SLC28A1: variants seen among roughly 807,000 people sequenced by gnomAD.
SLC28A1 encodes the protein sodium/nucleoside cotransporter 1.
In SLC28A1, 64 loss-of-function variants were observed where a neutral mutation model predicts 74.8. That is an observed-to-expected ratio of 0.86 (90% CI 0.70 to 1.05). The LOEUF is 1.05. Among genes scored for constraint, SLC28A1 ranks in the 50% least tolerant of loss-of-function variants. The pLI is 0.00. For missense variants in SLC28A1, 828 were observed against 822.8 expected, an observed-to-expected ratio of 1.01 and a Z score of -0.08; for synonymous variants, 359 against 335.0, an observed-to-expected ratio of 1.07 and a Z score of -0.78.
chr15:84,904,075 G>C, intron 6 of SLC28A1, 22 bp from the exon 7 acceptor site: 1 of 1,614,126 alleles, frequency 6.2e-7, no homozygotes, highest in Non-Finnish European at 8.5e-7. Flanking sequence ...GAGGGTAATG[G>C]CTTTCTGTCT....
the SLC28A1 span, among the ~76,000 whole-genome samples, chr15:84,958,920 T>C: frequency 3.3e-5 from 5 of 151,664 alleles, no homozygotes; most frequent in South Asian, 2.1e-4. Context: ...GCCAACATGG[T>C]GAAACCTCAT....
intron 12 of SLC28A1, among the ~76,000 whole-genome samples, chr15:84,931,310 T>G (rs992933129): frequency 6.6e-6 from 1 of 152,092 alleles, no homozygotes; most frequent in African/African-American, 2.4e-5. Flanking sequence ...TTACAAACTT[T>G]AAGAAGAAAC....
the SLC28A1 span, among the ~76,000 whole-genome samples, chr15:84,963,982 A>G: frequency 6.6e-6 from 1 of 151,800 alleles, no homozygotes; most frequent in African/African-American, 2.4e-5. Context: ...CCTTTCTTTC[A>G]TGTACCTAAT....
chr15:84,917,914 G>A (rs1969337317), intron 9 of SLC28A1, among the ~76,000 whole-genome samples: 1 of 152,192 alleles, frequency 6.6e-6, no homozygotes. Context: ...GAGAATGGGT[G>A]AGCTTGGAGT....
At chr15:84,960,261 TTTTTTTTTTTTTG>T in the SLC28A1 span, among the ~76,000 whole-genome samples, 1 of 74,182 alleles carries the variant, frequency 1.3e-5, no homozygotes, top group African/African-American at 4.0e-5. Flanking sequence ...TTTTTTTTTT[TTTTTTTTTTTTTG>T]AGACAAGGTC....
rs866296080 is a variant in SLC28A1 at position 84,895,545 on chromosome 15, A to G, written c.461+422A>G. 141 of 1,547,314 alleles carry G rather than the reference A, an allele frequency of 9.1e-5. No individual in the cohort carries two copies. The African/African-American group carries it at 1.6e-3, about 18-fold the overall frequency. On this transcript the variant is annotated intron_variant, in intron 6 of 18. Transcript: ENST00000394573. ...ATTAGCCTCCAGGGGATTCTGATGT[A>G]GCCAGCAGCGTCCTTGGACAACAGT...
chr15:84,926,571 C>G (rs75114037), intron 12 of SLC28A1: 6,316 of 453,494 alleles, frequency 0.014, 291 homozygotes, highest in African/African-American at 0.11. Flanking sequence ...GATATTCTCA[C>G]AAGTGTTCAA....
chr15:84,965,471 G>C, the SLC28A1 span, among the ~76,000 whole-genome samples: 2 of 152,186 alleles, frequency 1.3e-5, no homozygotes, highest in Non-Finnish European at 2.9e-5. Context: ...ACTGCTTGTT[G>C]ATTCCAATAG....
chr15:84,962,580 G>T, the SLC28A1 span, among the ~76,000 whole-genome samples: 1 of 151,780 alleles, frequency 6.6e-6, no homozygotes, highest in Non-Finnish European at 1.5e-5. Flanking sequence ...TGGAACTATA[G>T]GTGCATGCCA....
chr15:84,962,741 A>G, the SLC28A1 span, among the ~76,000 whole-genome samples: 1 of 152,158 alleles, frequency 6.6e-6, no homozygotes, highest in Non-Finnish European at 1.5e-5. Flanking sequence ...AAGGGAGAGG[A>G]AAAGATTTTT....
chr15:84,920,793 C>G (rs1355826373), intron 10 of SLC28A1, among the ~76,000 whole-genome samples, 196 bp from the exon 11 acceptor site: 1 of 151,760 alleles, frequency 6.6e-6, no homozygotes, highest in East Asian at 1.9e-4. Flanking sequence ...AATGAATGGC[C>G]TTGGGAAGGG....
chr15:84,925,067 G>GTTTTTTTTTTTTTTTTT (rs964017770), intron 12 of SLC28A1, among the ~76,000 whole-genome samples: 7 of 84,144 alleles, frequency 8.3e-5, no homozygotes, highest in Non-Finnish European at 1.6e-4. Flanking sequence ...CGCCCAGCTA[G>GTTTTTTTTTTTTTTTTT]TTTTTTTTTT....
At position 84,924,904 on chromosome 15, in the gene SLC28A1, TTG is replaced by T. The variant is rs541658974; in HGVS notation, c.1083+796_1083+797del. Among the ~76,000 whole-genome samples, 168 of 144,030 alleles carry T rather than the reference TTG, an allele frequency of 1.2e-3. 4 individuals are homozygous for T. The highest frequency in any genetic ancestry group is 3.5e-3 in the Middle Eastern group (1 of 286). The allele number at this position is 144,030 out of a possible 152,430, so 94.5% of individuals were successfully genotyped here. A position where few individuals can be genotyped will look rare whatever the true frequency, so the allele number is the denominator to read the frequency against. On this transcript the variant is annotated intron_variant, in intron 12 of 18. Coordinates refer to ENST00000394573, the MANE Select transcript of SLC28A1 (RefSeq NM_004213.5). ...TGATTTTATTTTTTATTAATTTTTT[TTG>T]TTTGTTTGTTTTTGAGACGGAGTCT...
chr15:84,933,929 C>T (rs867540783), intron 13 of SLC28A1, among the ~76,000 whole-genome samples: 9 of 152,120 alleles, frequency 5.9e-5, no homozygotes, highest in South Asian at 4.1e-4. Flanking sequence ...AAGCCTAGAT[C>T]GCACCACTGT....
At chr15:84,955,205 C>T in the SLC28A1 span, among the ~76,000 whole-genome samples, 1 of 152,220 alleles carries the variant, frequency 6.6e-6, no homozygotes, top group Non-Finnish European at 1.5e-5. Context: ...ATCTTCCCCA[C>T]TGAGGCCTCA....
At chr15:84,971,626 C>T in the SLC28A1 span, among the ~76,000 whole-genome samples, 1 of 151,046 alleles carries the variant, frequency 6.6e-6, no homozygotes, top group African/African-American at 2.4e-5. Context: ...ACCAAATATA[C>T]CCCACCCCTC....
chr15:84,973,694 G>A, the SLC28A1 span, among the ~76,000 whole-genome samples: 1 of 152,180 alleles, frequency 6.6e-6, no homozygotes, highest in Non-Finnish European at 1.5e-5. Flanking sequence ...TCATCATCTT[G>A]TAATTATACG....
At chr15:84,895,472 G>A in intron 6 of SLC28A1, 1 of 1,611,394 alleles carries the variant, frequency 6.2e-7, no homozygotes, top group Non-Finnish European at 8.5e-7. Flanking sequence ...ACCATCCCTG[G>A]AGGGGGATTC....
At chr15:84,943,188 A>G (rs1207521389) in intron 15 of SLC28A1, among the ~76,000 whole-genome samples, 4 of 152,138 alleles carry the variant, frequency 2.6e-5, no homozygotes, top group Admixed American at 2.0e-4. Flanking sequence ...CTCCGTCTCA[A>G]ACAAAAACAA....
Sources: gnomAD v4.1 joint callset for allele counts (sites outside exome capture counted in the v4.1 genomes callset) on GRCh38, gnomAD v4.1.1 for gene constraint, MANE v1.5 for transcripts, NCBI Gene and HGNC (gene_info 2026-07-23, HGNC 2026-07-21) for gene names.